HIPK1: variants seen among roughly 807,000 people sequenced by gnomAD.
HIPK1 encodes homeodomain-interacting protein kinase 1.
In HIPK1, 28 loss-of-function variants were observed where a neutral mutation model predicts 117.1. The ratio of observed to expected loss-of-function variants is 0.24; its 90% confidence interval spans 0.18 to 0.33. The LOEUF is 0.33. HIPK1 is among the 10% of genes least tolerant of loss of function. The pLI is 1.00. For synonymous variants in HIPK1, 605 were observed against 562.5 expected, an observed-to-expected ratio of 1.08 and a Z score of -1.07; for missense variants, 1,122 against 1,475.1, an observed-to-expected ratio of 0.76 and a Z score of 3.92.
rs1004477384 is a variant in HIPK1 at position 113,968,387 on chromosome 1, C to T, written c.2565-55C>T. The T allele has an allele frequency of 3.3e-5, 42 of 1,277,094 alleles. No individual in the cohort carries two copies. In the South Asian group the frequency reaches 5.0e-4, roughly 15 times the overall value. 79.1% of individuals were successfully genotyped at this position (1,277,094 alleles called of 1,614,324 possible). On this transcript the variant is annotated intron_variant, in intron 12 of 15. Coordinates refer to ENST00000426820, the MANE Select transcript of HIPK1 (RefSeq NM_198268.3). ...TGGAAAGCAGTCTGGGGAAAAGATA[C>T]ACAATTTGGAAGGCCAAGGACTGAA...
At chr1:113,932,701 G>T (rs913776014) in intron 1 of HIPK1, among the ~76,000 whole-genome samples, 3 of 151,968 alleles carry the variant, frequency 2.0e-5, no homozygotes, top group African/African-American at 7.2e-5. Context: ...TTCTCATCTC[G>T]GAATTAGGGG....
At chr1:113,961,536 TA>T (rs1672102123) in intron 8 of HIPK1, among the ~76,000 whole-genome samples, 1 of 152,224 alleles carries the variant, frequency 6.6e-6, no homozygotes, top group Non-Finnish European at 1.5e-5. Context: ...ACTTAGATTA[TA>T]AATTATTGAG....
intron 13 of HIPK1, 128 bp from the exon 14 acceptor site, chr1:113,969,828 G>A (rs1672701571): frequency 4.1e-6 from 4 of 969,268 alleles, no homozygotes; most frequent in South Asian, 1.5e-5. Flanking sequence ...GATAGCTTGA[G>A]CCCAGGAGGT....
chr1:113,932,751 C>G (rs942724354), intron 1 of HIPK1, among the ~76,000 whole-genome samples: 8 of 152,062 alleles, frequency 5.3e-5, no homozygotes, highest in African/African-American at 1.9e-4. Context: ...TGTAAGAGTT[C>G]CAGTACTTTT....
At chr1:113,933,144 T>A (rs1206161886) in intron 1 of HIPK1, 9 of 983,494 alleles carry the variant, frequency 9.2e-6, no homozygotes, top group Non-Finnish European at 1.1e-5. Context: ...CCGTAGTCAT[T>A]CCAAATAAAT....
chr1:113,954,812 C>A, intron 4 of HIPK1, 42 bp downstream of exon 4: 2 of 1,526,884 alleles, frequency 1.3e-6, no homozygotes, highest in South Asian at 1.2e-5. Context: ...GTACTCCACC[C>A]CTCACTCCCC....
At chr1:113,947,437 A>G (rs773501288) in intron 2 of HIPK1, among the ~76,000 whole-genome samples, 3 of 152,188 alleles carry the variant, frequency 2.0e-5, no homozygotes, top group Non-Finnish European at 4.4e-5. Context: ...CAAATAATCT[A>G]ATTTCCTCTG....
At chr1:113,963,605 G>GT (rs944530986) in intron 10 of HIPK1, 84 bp downstream of exon 10, 26 of 1,501,806 alleles carry the variant, frequency 1.7e-5, no homozygotes, top group Middle Eastern at 1.9e-4. Flanking sequence ...TTTTTGTTCT[G>GT]TTTTTTTCTG....
chr1:113,966,280 TC>T lies in HIPK1; in HGVS notation c.2381+10del, dbSNP rs765823556. Reference sequence around the variant, plus strand: ...GCAGCTAGCTGACTGGAGGCAAGTGTCCTGTGTTACTCTGGGAGATTTGTAA... The same window carrying T: ...GCAGCTAGCTGACTGGAGGCAAGTGTCTGTGTTACTCTGGGAGATTTGTAA... On this transcript the variant is annotated intron_variant, in intron 11 of 15. Transcript: ENST00000426820. The T allele has an allele frequency of 6.2e-7, 1 of 1,611,188 alleles. No individual in the cohort carries two copies. The highest frequency in any genetic ancestry group is 1.1e-5 in the South Asian group (1 of 90,550).
intron 2 of HIPK1, among the ~76,000 whole-genome samples, chr1:113,950,963 A>G (rs1671323630): frequency 6.6e-6 from 1 of 152,212 alleles, no homozygotes; most frequent in African/African-American, 2.4e-5. Flanking sequence ...TAAAAAAGGA[A>G]AAGCGCTGCC....
At position 113,955,539 on chromosome 1, in the gene HIPK1, A is replaced by G. The variant is rs371505229; in HGVS notation, c.1321-24A>G. ...GAAAATAACATACAGATGGAATTTAAGGAGGAAAATCTTTATTTTATAGAC... is the reference window on the plus strand; with the variant it reads ...GAAAATAACATACAGATGGAATTTAGGGAGGAAAATCTTTATTTTATAGAC... On this transcript the variant is annotated intron_variant, in intron 4 of 15. Transcript: ENST00000426820. 1.3e-3 allele frequency: 1,758 copies of G among 1,312,616 alleles called. 10 individuals carry two copies. The highest frequency in any genetic ancestry group is 4.6e-3 in the Middle Eastern group (25 of 5,394). 81.3% of individuals were successfully genotyped at this position (1,312,616 alleles called of 1,614,324 possible).
Position 113,973,811 on chromosome 1 carries a change from T to A in HIPK1, c.*299T>A. On this transcript the variant is annotated 3_prime_UTR_variant, in exon 16 of 16. Transcript: ENST00000426820. The stretch of plus-strand genomic sequence containing the variant: ...TCTGCAGTTACCAAGGAAGAGAGAT[T>A]GTTCTGAAGTTACCCTCTGAAAAAT... The A allele has an allele frequency of 4.0e-6, 1 of 246,996 alleles. No individual in the cohort carries two copies. The highest frequency in any genetic ancestry group is 7.7e-6 in the Non-Finnish European group (1 of 130,398). 15.3% of individuals were successfully genotyped at this position (246,996 alleles called of 1,614,324 possible). A position where few individuals can be genotyped will look rare whatever the true frequency, so the allele number is the denominator to read the frequency against.
intron 8 of HIPK1, among the ~76,000 whole-genome samples, chr1:113,959,958 A>G (rs1671987590): frequency 6.6e-6 from 1 of 152,202 alleles, no homozygotes; most frequent in South Asian, 2.1e-4. Context: ...TGGTTCCTTC[A>G]TATGCCCAAA....
chr1:113,943,002 A>T (rs1670752728), intron 2 of HIPK1, among the ~76,000 whole-genome samples: 1 of 152,244 alleles, frequency 6.6e-6, no homozygotes, highest in Non-Finnish European at 1.5e-5. Context: ...ATTTTATATT[A>T]TGTGTGAAAA....
intron 4 of HIPK1, 47 bp downstream of exon 4, chr1:113,954,817 C>T (rs376527255): frequency 3.8e-5 from 58 of 1,511,822 alleles, no homozygotes; most frequent in East Asian, 3.6e-4. Flanking sequence ...CCACCCCTCA[C>T]TCCCCAATTT....
rs759239523 is a variant in HIPK1, at chr1:113,952,758, T to C, written c.1077-8T>C. On this transcript the variant is annotated splice_polypyrimidine_tract_variant and splice_region_variant and intron_variant, in intron 2 of 15. Transcript: ENST00000426820. The stretch of plus-strand genomic sequence containing the variant: ...TTTTTTTAATCTGATATTTTTTGTT[T>C]TTGCTAGAGCTCCTGAAATTATTCT... 8.9e-6 allele frequency: 13 copies of C among 1,459,632 alleles called. No homozygotes were observed. The South Asian group carries it at 1.5e-4, about 17-fold the overall frequency. The allele number at this position is 1,459,632 out of a possible 1,614,324, so 90.4% of individuals were successfully genotyped here.
intron 7 of HIPK1, 85 bp from the exon 8 acceptor site, chr1:113,957,981 T>C: frequency 9.7e-7 from 1 of 1,031,924 alleles, no homozygotes; most frequent in South Asian, 1.5e-5. Context: ...TTATTCTACG[T>C]TTTTCTGGAT....
At chr1:113,945,438 T>C (rs1294637459) in intron 2 of HIPK1, among the ~76,000 whole-genome samples, 2 of 152,220 alleles carry the variant, frequency 1.3e-5, no homozygotes, top group East Asian at 3.8e-4. Context: ...TTTTCCCCTA[T>C]GTTTTCTGCT....
Position 113,973,472 on chromosome 1 carries a change from C to T in HIPK1, c.3593C>T (p.Pro1198Leu), listed in dbSNP as rs954559302. 1.9e-6 allele frequency: 3 copies of T among 1,609,562 alleles called. No homozygotes were observed. The highest frequency in any genetic ancestry group is 1.1e-5 in the South Asian group (1 of 90,374). Residue 1198 changes from proline to leucine, a missense_variant, in exon 16 of 16, where the codon CCG (proline) becomes CTG (leucine). This residue lies in a region of HIPK1 where 731 missense variants were observed against 860.4 expected (regional missense o/e 0.85). Transcript: ENST00000426820. The part of the protein sequence containing the change: ...SRGSTIYTGY[P>L]LSPTKISQYS... ...GGCTCAACAATTTACACTGGATACC[C>T]GCTGAGTCCTACCAAGATCAGCCAG...
Sources: allele counts gnomAD v4.1 joint callset (sites outside exome capture counted in the v4.1 genomes callset), GRCh38; gene constraint gnomAD v4.1.1; regional missense constraint gnomAD v4.1.1; transcripts MANE v1.5; gene names NCBI Gene and HGNC (gene_info 2026-07-23, HGNC 2026-07-21).